The following USH2A variants were observed in gnomAD, a reference collection of about 807,000 sequenced individuals.
USH2A encodes usherin.
In USH2A, 443 loss-of-function variants were observed where a neutral mutation model predicts 538.9. The ratio of observed to expected loss-of-function variants is 0.82; its 90% confidence interval spans 0.76 to 0.89. The LOEUF is 0.89. Among genes scored for constraint, USH2A ranks in the 40% least tolerant of loss-of-function variants. The pLI, the probability that USH2A is intolerant of heterozygous loss-of-function variation, is 0.00. For missense variants in USH2A, 6,633 were observed against 6,324.8 expected (o/e 1.05, Z -1.65); for synonymous variants, 2,413 against 2,273.5 (o/e 1.06, Z -1.75).
chr1:216,310,328 G>T (rs1050991131), intron 9 of USH2A, among the ~76,000 whole-genome samples: 2 of 151,548 alleles, frequency 1.3e-5, no homozygotes, highest in African/African-American at 4.8e-5. Context: ...AAACTTTTTT[G>T]GGGGTTGCCC....
intron 14 of USH2A, among the ~76,000 whole-genome samples, chr1:216,221,134 T>A (rs962720661): frequency 6.6e-6 from 1 of 152,180 alleles, no homozygotes; most frequent in Non-Finnish European, 1.5e-5. Flanking sequence ...AGCTTTAGAC[T>A]TAGGATAGGA....
chr1:216,044,585 T>C (rs1269495760), intron 32 of USH2A, among the ~76,000 whole-genome samples: 3 of 152,132 alleles, frequency 2.0e-5, no homozygotes, highest in Non-Finnish European at 2.9e-5. Flanking sequence ...TAACTTCTCT[T>C]TACCAATTGC....
At chr1:216,208,108 A>G (rs1385976142) in intron 15 of USH2A, among the ~76,000 whole-genome samples, 3 of 152,170 alleles carry the variant, frequency 2.0e-5, no homozygotes, top group Non-Finnish European at 4.4e-5. Context: ...ATATAAATAT[A>G]TACCATGAAA....
chr1:216,231,273 A>ATATATATAT (rs1279695573), intron 14 of USH2A, among the ~76,000 whole-genome samples: 3 of 118,450 alleles, frequency 2.5e-5, no homozygotes, highest in Non-Finnish European at 5.2e-5. Flanking sequence ...TATATATATA[A>ATATATATAT]TATATATACA....
chr1:216,145,950 G>A (rs573956252), intron 21 of USH2A, among the ~76,000 whole-genome samples: 1 of 152,096 alleles, frequency 6.6e-6, no homozygotes, highest in East Asian at 1.9e-4. Flanking sequence ...TCCCTTCGCT[G>A]ACTCTCTTTT....
intron 41 of USH2A, among the ~76,000 whole-genome samples, chr1:215,884,503 C>A (rs944358626): frequency 6.6e-6 from 1 of 152,158 alleles, no homozygotes; most frequent in African/African-American, 2.4e-5. Flanking sequence ...TACTTAATCC[C>A]TCATTCTCAG....
intron 37 of USH2A, among the ~76,000 whole-genome samples, chr1:215,962,223 T>C (rs1300306036): frequency 6.6e-6 from 1 of 152,058 alleles, no homozygotes; most frequent in Non-Finnish European, 1.5e-5. Context: ...ATATAAATTA[T>C]ATGGTCTCTA....
chr1:216,406,350 G>A (rs918009493), intron 3 of USH2A, among the ~76,000 whole-genome samples: 1 of 152,058 alleles, frequency 6.6e-6, no homozygotes, highest in South Asian at 2.1e-4. Flanking sequence ...AATTATCTCA[G>A]GAAAAAGTTT....
intron 35 of USH2A, among the ~76,000 whole-genome samples, chr1:215,983,024 C>G (rs955189883): frequency 1.5e-4 from 23 of 152,154 alleles, no homozygotes; most frequent in African/African-American, 5.3e-4. Flanking sequence ...ACTCTCGGCT[C>G]ACTGGAACCT....
chr1:215,888,696 A>G lies in USH2A; in HGVS notation c.7953T>C (p.Asn2651=). The change falls in exon 41 of 72, where the codon AAT becomes AAC. Residue 2651 remains asparagine, a synonymous_variant. Coordinates refer to ENST00000307340, the MANE Select transcript of USH2A (RefSeq NM_206933.4). ...IISWQPPTHP[N]GLVENFTIER... ...CAATTGTGAAATTCTCCACCAAGCC[A>G]TTGGGGTGGGTAGGGGGTTGCCAAG... 2 of 1,614,076 alleles carry G rather than the reference A, an allele frequency of 1.2e-6. No individual in the cohort carries two copies. Among genetic ancestry groups the G allele is most frequent in the Non-Finnish European group, 8.5e-7 (1 of 1,179,986 alleles).
chr1:215,879,602 G>A (rs1012375701), intron 41 of USH2A, among the ~76,000 whole-genome samples: 1 of 152,192 alleles, frequency 6.6e-6, no homozygotes, highest in African/African-American at 2.4e-5. Flanking sequence ...GCAAAATTGA[G>A]TTCCTGAATC....
chr1:216,175,075 T>C (rs1213595889), intron 21 of USH2A, 177 bp downstream of exon 21: 64 of 1,441,200 alleles, frequency 4.4e-5, no homozygotes, highest in East Asian at 1.3e-4. Context: ...CTGACTTTTT[T>C]CCCCAGAATT....
Position 216,196,665 on chromosome 1 carries a change from A to G in USH2A, c.4139T>C (p.Ile1380Thr), listed in dbSNP as rs1358539692. The G allele has an allele frequency of 1.2e-6, 2 of 1,613,498 alleles. No individual in the cohort carries two copies. The highest frequency in any genetic ancestry group is 1.7e-6 in the Non-Finnish European group (2 of 1,179,688). The change falls in exon 19 of 72, where the codon ATC becomes ACC. Residue 1380 changes from isoleucine (I) to threonine (T), a missense_variant. By Grantham distance (89) the Ile-to-Thr change is moderately conservative. Transcript: ENST00000307340. ...ATTATCTGCTGGCTTCTCCCAGGAG[A>G]TATTGAGAGAGTACGAAGAGAGGGG... The part of the protein sequence containing the change: ...VFPLSSYSLN[I>T]SWEKPADNVT...
chr1:216,339,702 AT>A (rs1234279865), intron 4 of USH2A, among the ~76,000 whole-genome samples: 1 of 152,040 alleles, frequency 6.6e-6, no homozygotes, highest in Non-Finnish European at 1.5e-5. Flanking sequence ...ACACAACTAC[AT>A]GGAAATTGAA....
rs115119487 is a variant in USH2A at position 215,826,069 on chromosome 1, C to G, written c.9372-8874G>C. 5.4e-3 allele frequency among the ~76,000 whole-genome samples: 825 copies of G among 152,228 alleles called. 6 individuals are homozygous for G. Among genetic ancestry groups the G allele is most frequent in the African/African-American group, 0.018 (764 of 41,554 alleles). ...TCTAGTGGCCAGAGATTGGCCAGAGCAGTTCTGCAATGAAAGGTTAAGCCT... is the reference window on the plus strand; with the variant it reads ...TCTAGTGGCCAGAGATTGGCCAGAGGAGTTCTGCAATGAAAGGTTAAGCCT... On this transcript the variant is annotated intron_variant, in intron 47 of 71. Transcript: ENST00000307340.
At chr1:215,992,487 A>G (rs1668025080) in intron 35 of USH2A, among the ~76,000 whole-genome samples, 2 of 152,222 alleles carry the variant, frequency 1.3e-5, no homozygotes, top group Admixed American at 1.3e-4. Context: ...CTCCAGCTAA[A>G]TATGTATAAA....
At chr1:216,015,588 G>A (rs530331861) in intron 32 of USH2A, among the ~76,000 whole-genome samples, 131 of 152,240 alleles carry the variant, frequency 8.6e-4, no homozygotes, top group Non-Finnish European at 1.5e-3. Context: ...TTGAGGAATC[G>A]CCACACTGTC....
intron 21 of USH2A, among the ~76,000 whole-genome samples, chr1:216,128,714 A>C (rs2033308106): frequency 6.6e-6 from 1 of 152,112 alleles, no homozygotes; most frequent in African/African-American, 2.4e-5. Context: ...TGGGATATGC[A>C]TCACCCCAAG....
At chr1:216,048,503 G>A in intron 31 of USH2A, 31 bp downstream of exon 31, 1 of 1,582,970 alleles carries the variant, frequency 6.3e-7, no homozygotes, top group Non-Finnish European at 8.7e-7. Flanking sequence ...TGACTGAAAT[G>A]TGGAAGTCAA....
Sources: allele counts gnomAD v4.1 joint callset (sites outside exome capture counted in the v4.1 genomes callset), GRCh38; gene constraint gnomAD v4.1.1; transcripts MANE v1.5; gene names NCBI Gene and HGNC (gene_info 2026-07-23, HGNC 2026-07-21).